The following BMS1 variants were observed in gnomAD, a reference collection of about 807,000 sequenced individuals.
BMS1 encodes the protein ribosome biogenesis protein BMS1 homolog.
A neutral mutation model predicts 138.7 loss-of-function variants in BMS1; 53 were observed. The observed-to-expected ratio is 0.38, with a 90% CI of 0.31 to 0.48. The LOEUF (loss-of-function observed/expected upper bound fraction) is 0.48. Ranked by LOEUF, BMS1 falls within the 20% of genes least tolerant of loss-of-function variation. The probability of loss-of-function intolerance (pLI) is 0.97; values close to 1 mark genes in which losing one functional copy is unlikely to be tolerated. For synonymous variants in BMS1, 504 were observed against 539.9 expected, an observed-to-expected ratio of 0.93 and a Z score of 0.92; for missense variants, 1,360 against 1,565.5, an observed-to-expected ratio of 0.87 and a Z score of 2.22.
chr10:42,819,967 T>A (rs1172463860), intron 15 of BMS1, among the ~76,000 whole-genome samples: 2 of 152,124 alleles, frequency 1.3e-5, no homozygotes, highest in Non-Finnish European at 2.9e-5. Context: ...GATTTTGGTA[T>A]TTTTAGTAGA....
chr10:42,819,614 G>A (rs1369585487), intron 15 of BMS1, among the ~76,000 whole-genome samples: 1 of 152,136 alleles, frequency 6.6e-6, no homozygotes, highest in Non-Finnish European at 1.5e-5. Flanking sequence ...CAAGGGAAAA[G>A]TGTGAAAGAA....
At position 42,800,714 on chromosome 10, in the gene BMS1, A is replaced by C. The variant is rs1224881161; in HGVS notation, c.2248-1423A>C. On this transcript the variant is annotated intron_variant, in intron 12 of 22. Coordinates refer to ENST00000374518, the MANE Select transcript of BMS1 (RefSeq NM_014753.4). ...GCTAATTTTTTTGCATTTTTAGTAG[A>C]GATGGGGTTTCACCACGTTGGTCAG... Among the ~76,000 whole-genome samples the C allele has an allele frequency of 3.3e-5, 5 of 152,088 alleles. No homozygotes were observed. In the East Asian group the frequency reaches 7.7e-4, roughly 24 times the overall value.
chr10:42,822,880 A>G (rs1842540813), intron 19 of BMS1, among the ~76,000 whole-genome samples: 1 of 152,172 alleles, frequency 6.6e-6, no homozygotes, highest in Admixed American at 6.5e-5. Context: ...TCTCTTCCAC[A>G]CAGACAGCGG....
At chr10:42,827,362 GAC>G (rs1212459963) in intron 21 of BMS1, among the ~76,000 whole-genome samples, 4 of 152,188 alleles carry the variant, frequency 2.6e-5, no homozygotes, top group Admixed American at 2.6e-4. Context: ...AATGGCCTGA[GAC>G]AGTGTAACAG....
In BMS1 at chr10:42,787,181, A is replaced by G; in HGVS notation, c.381A>G (p.Arg127=). The G allele has an allele frequency of 7.9e-7, 1 of 1,266,612 alleles. No homozygotes were observed. The highest frequency in any genetic ancestry group is 1.1e-6 in the Non-Finnish European group (1 of 880,838). The allele number at this position is 1,266,612 out of a possible 1,614,324, so 78.5% of individuals were successfully genotyped here. ...PVTIVSGKKR[R]LTIIECGCDI... ...TTTCACTTATAGGTAAAAAGCGCAG[A>G]CTCACCATTATTGAATGTGGGTGTG... The change falls in exon 4 of 23, where the codon AGA becomes AGG. Residue 127 remains arginine, a synonymous_variant. Coordinates refer to ENST00000374518, the MANE Select transcript of BMS1 (RefSeq NM_014753.4).
chr10:42,789,500 A>G (rs1841438279), intron 4 of BMS1, among the ~76,000 whole-genome samples: 1 of 152,160 alleles, frequency 6.6e-6, no homozygotes, highest in South Asian at 2.1e-4. Flanking sequence ...CAATTCTGAA[A>G]TTATTTTGCA....
Position 42,797,061 on chromosome 10 carries a change from A to C in BMS1, c.1817A>C (p.Asp606Ala). Residue 606 changes from aspartate (D) to alanine (A), a missense_variant, in exon 10 of 23, where the codon GAC (aspartate) becomes GCC (alanine). Coordinates refer to ENST00000374518, the MANE Select transcript of BMS1 (RefSeq NM_014753.4). ...TCCTCACTCAGTGCAGAGGAAGAAG[A>C]CTCAGAAAATGAAGAGGCTATTAGA... ...ESSSLSAEEE[D>A]SENEEAIRKK... The C allele has an allele frequency of 6.2e-7, 1 of 1,614,194 alleles. No individual in the cohort carries two copies. The highest frequency in any genetic ancestry group is 8.5e-7 in the Non-Finnish European group (1 of 1,180,026).
rs1321971720 is a variant in BMS1, at chr10:42,784,387, T to C, written c.-8T>C. On this transcript the variant is annotated 5_prime_UTR_variant, in exon 2 of 23. Coordinates refer to ENST00000374518, the MANE Select transcript of BMS1 (RefSeq NM_014753.4). The stretch of plus-strand genomic sequence containing the variant: ...GTTAGAGTTACTTGTTATTGGTAAA[T>C]AGCCACTATGGAGGCTAAGGACCAG... 12 of 1,591,860 alleles carry C rather than the reference T, an allele frequency of 7.5e-6. No homozygotes were observed. The highest frequency in any genetic ancestry group is 1.0e-5 in the Non-Finnish European group (12 of 1,174,798).
chr10:42,825,411 T>G (rs974027957), intron 21 of BMS1, among the ~76,000 whole-genome samples: 3 of 152,364 alleles, frequency 2.0e-5, no homozygotes, highest in African/African-American at 7.2e-5. Flanking sequence ...TTAACAATAT[T>G]AATTCTTCTG....
At chr10:42,811,134 C>T (rs1199379150) in intron 13 of BMS1, among the ~76,000 whole-genome samples, 4 of 152,062 alleles carry the variant, frequency 2.6e-5, no homozygotes, top group African/African-American at 7.2e-5. Flanking sequence ...CCTCCACCTC[C>T]GGGTTCAAGT....
chr10:42,822,489 C>CT (rs1564430539), intron 19 of BMS1, among the ~76,000 whole-genome samples: 1 of 152,066 alleles, frequency 6.6e-6, no homozygotes, highest in Non-Finnish European at 1.5e-5. Context: ...TTGTTTCCTA[C>CT]TTTTTTTATT....
chr10:42,815,163 G>A (rs1031157026), intron 13 of BMS1, among the ~76,000 whole-genome samples: 10 of 152,170 alleles, frequency 6.6e-5, no homozygotes, highest in Non-Finnish European at 1.5e-4. Flanking sequence ...GGGAGAATTG[G>A]CGTATTTTTG....
intron 13 of BMS1, among the ~76,000 whole-genome samples, chr10:42,810,786 C>T (rs1842148278): frequency 6.6e-6 from 1 of 152,100 alleles, no homozygotes; most frequent in East Asian, 1.9e-4. Flanking sequence ...GCACTGAGTG[C>T]CTTCTTGAAG....
chr10:42,809,191 A>G (rs918827587), intron 13 of BMS1, among the ~76,000 whole-genome samples: 1 of 152,168 alleles, frequency 6.6e-6, no homozygotes, highest in Admixed American at 6.5e-5. Context: ...GATTTTCAGC[A>G]TACCAGTTGG....
rs765922541 is a variant in BMS1, at chr10:42,817,517, A to G, written c.2580+23A>G. On this transcript the variant is annotated intron_variant, in intron 15 of 22. Coordinates refer to ENST00000374518, the MANE Select transcript of BMS1 (RefSeq NM_014753.4). ...CAGGTGAGAAACCTCAGTTCCTCTC[A>G]GCCCCTTGTCAAGACTATCATATAG... 8 of 1,586,054 alleles carry G rather than the reference A, an allele frequency of 5.0e-6. No individual in the cohort carries two copies. The Admixed American group carries it at 1.5e-4, about 30-fold the overall frequency.
At chr10:42,804,909 G>C (rs1304515361) in intron 13 of BMS1, among the ~76,000 whole-genome samples, 1 of 151,876 alleles carries the variant, frequency 6.6e-6, no homozygotes, top group Non-Finnish European at 1.5e-5. Context: ...GTAGAGATGG[G>C]GTTTCGCCAT....
At position 42,796,518 on chromosome 10, in the gene BMS1, G is replaced by T. The variant is rs540234240; in HGVS notation, c.1274G>T (p.Gly425Val). The T allele has an allele frequency of 1.5e-5, 24 of 1,614,150 alleles. No homozygotes were observed. The Middle Eastern group carries it at 8.2e-4, about 55-fold the overall frequency. Residue 425 changes from glycine to valine, a missense_variant, in exon 10 of 23, where the codon GGT (glycine) becomes GTT (valine). This residue lies in a region of BMS1 where 697 missense variants were observed against 686.2 expected (regional missense o/e 1.02). Transcript: ENST00000374518. ...GAAAAACAAATGGACTTGAACACTG[G>T]TCGAATGCGTCGGAAAGCCATTTTC... ...KEEKQMDLNT[G>V]RMRRKAIFGD...
intron 4 of BMS1, among the ~76,000 whole-genome samples, chr10:42,789,860 G>A (rs1841448021): frequency 1.3e-5 from 2 of 152,250 alleles, no homozygotes; most frequent in South Asian, 2.1e-4. Context: ...CAGAAAACTT[G>A]ATTTCTTTAA....
In BMS1 at chr10:42,833,040, A is replaced by G. The variant is rs1489441653; in HGVS notation, c.*1944A>G. 1 of 152,236 alleles carries G rather than the reference A, an allele frequency of 6.6e-6. No individual in the cohort carries two copies. Among genetic ancestry groups the G allele is most frequent in the Non-Finnish European group, 1.5e-5 (1 of 68,048 alleles). The allele number at this position is 152,236 out of a possible 1,614,324, so 9.4% of individuals were successfully genotyped here. ...ATTTGTTCAAAGAGAAGCATTGCAA[A>G]TAAGTATTTATAATTGTATAGTTTT... On this transcript the variant is annotated 3_prime_UTR_variant, in exon 23 of 23. Coordinates refer to ENST00000374518, the MANE Select transcript of BMS1 (RefSeq NM_014753.4).
Sources: allele counts gnomAD v4.1 joint callset (sites outside exome capture counted in the v4.1 genomes callset), GRCh38; gene constraint gnomAD v4.1.1; regional missense constraint gnomAD v4.1.1; transcripts MANE v1.5; gene names NCBI Gene and HGNC (gene_info 2026-07-23, HGNC 2026-07-21).